LOC122539214: variants seen among roughly 807,000 people sequenced by gnomAD.
chr19:52,689,231 A>G, the LOC122539214 span, among the ~76,000 whole-genome samples: 1 of 152,158 alleles, frequency 6.6e-6, no homozygotes, highest in African/African-American at 2.4e-5. Context: ...TTTGGATATG[A>G]ATCCACTGAG....
At chr19:52,676,035 A>AGCTCTC in the LOC122539214 span, among the ~76,000 whole-genome samples, 61 of 151,334 alleles carry the variant, frequency 4.0e-4, no homozygotes, top group Non-Finnish European at 1.5e-4. Flanking sequence ...CTAACAATAC[A>AGCTCTC]GCTCTCGCTC....
At chr19:52,677,710 C>A in the LOC122539214 span, among the ~76,000 whole-genome samples, 10 of 150,648 alleles carry the variant, frequency 6.6e-5, no homozygotes, top group East Asian at 1.2e-3. Context: ...AAGAATGATC[C>A]CTAGCTGAGT....
chr19:52,657,445 A>C, the LOC122539214 span, among the ~76,000 whole-genome samples: 6 of 151,782 alleles, frequency 4.0e-5, no homozygotes, highest in Non-Finnish European at 5.9e-5. Flanking sequence ...CTTTGTCTCT[A>C]CTAAAAATAC....
chr19:52,689,445 T>G, the LOC122539214 span, among the ~76,000 whole-genome samples: 642 of 151,814 alleles, frequency 4.2e-3, 3 homozygotes, highest in Non-Finnish European at 6.1e-3. Flanking sequence ...GCTGTGCTTC[T>G]CCCTCTGTTC....
the LOC122539214 span, chr19:52,650,755 G>T: frequency 6.6e-6 from 1 of 152,298 alleles, no homozygotes; most frequent in South Asian, 2.1e-4. Flanking sequence ...ACTTCCTAAG[G>T]CTGGGACAAA....
the LOC122539214 span, among the ~76,000 whole-genome samples, chr19:52,670,687 C>T: frequency 6.6e-6 from 1 of 152,020 alleles, no homozygotes; most frequent in Admixed American, 6.6e-5. Flanking sequence ...GAACATATGT[C>T]CAAGGTGATG....
At chr19:52,653,354 G>T in the LOC122539214 span, 1 of 1,198,118 alleles carries the variant, frequency 8.3e-7, no homozygotes, top group Non-Finnish European at 1.2e-6. Flanking sequence ...TGTTGTGCAA[G>T]GTATGAATCA....
the LOC122539214 span, among the ~76,000 whole-genome samples, chr19:52,665,391 CCCT>C: frequency 1.3e-5 from 2 of 151,562 alleles, no homozygotes; most frequent in East Asian, 3.9e-4. Flanking sequence ...CCCCAGAGTT[CCCT>C]CCTCCGTCTC....
chr19:52,657,809 T>C, the LOC122539214 span, among the ~76,000 whole-genome samples: 2 of 151,202 alleles, frequency 1.3e-5, no homozygotes, highest in East Asian at 3.9e-4. Context: ...ATTGCATCAT[T>C]GCACTCCAGC....
chr19:52,652,680 A>C, the LOC122539214 span: 1 of 590,750 alleles, frequency 1.7e-6, no homozygotes, highest in Non-Finnish European at 3.2e-6. Context: ...AATGATTTGC[A>C]ATGCTTGTAG....
At chr19:52,661,170 A>C in the LOC122539214 span, among the ~76,000 whole-genome samples, 1 of 152,200 alleles carries the variant, frequency 6.6e-6, no homozygotes, top group South Asian at 2.1e-4. Flanking sequence ...GCTGAGATTT[A>C]ATGTTTAGAA....
At chr19:52,683,452 T>C in the LOC122539214 span, among the ~76,000 whole-genome samples, 9,190 of 147,828 alleles carry the variant, frequency 0.062, 366 homozygotes, top group Non-Finnish European at 0.089. Context: ...ACAGAACTAG[T>C]TGTGTAGGAG....
chr19:52,668,095 C>T, the LOC122539214 span, among the ~76,000 whole-genome samples: 1 of 152,210 alleles, frequency 6.6e-6, no homozygotes, highest in East Asian at 1.9e-4. Flanking sequence ...CCTCCACCTT[C>T]TCTTCCTTTA....
At chr19:52,680,064 A>G in the LOC122539214 span, among the ~76,000 whole-genome samples, 1 of 152,104 alleles carries the variant, frequency 6.6e-6, no homozygotes, top group Non-Finnish European at 1.5e-5. Context: ...TGGTAATCCC[A>G]GCTACTTGAG....
the LOC122539214 span, chr19:52,652,688 T>C: frequency 1.6e-6 from 1 of 608,388 alleles, no homozygotes; most frequent in South Asian, 1.5e-5. Flanking sequence ...GCAATGCTTG[T>C]AGCATTACTG....
chr19:52,653,043 G>T, the LOC122539214 span: 15 of 1,476,098 alleles, frequency 1.0e-5, no homozygotes, highest in African/African-American at 2.1e-4. Flanking sequence ...TAAAAACCTT[G>T]CCACATTCAT....
chr19:52,688,946 GA>G, the LOC122539214 span, among the ~76,000 whole-genome samples: 1 of 51,024 alleles, frequency 2.0e-5, no homozygotes, highest in Non-Finnish European at 3.7e-5. Flanking sequence ...GAGCAAGGTT[GA>G]AGGAAAAAAA....
At chr19:52,654,400 C>G in the LOC122539214 span, 1 of 1,124,888 alleles carries the variant, frequency 8.9e-7, no homozygotes, top group Non-Finnish European at 1.2e-6. Context: ...TTTTAAAGAG[C>G]TATCTAAAAA....
the LOC122539214 span, among the ~76,000 whole-genome samples, chr19:52,665,877 T>A: frequency 6.6e-6 from 1 of 152,034 alleles, no homozygotes; most frequent in Non-Finnish European, 1.5e-5. Flanking sequence ...GTAAATTGCC[T>A]TGGCCATGTG....
Sources: allele counts gnomAD v4.1 joint callset (sites outside exome capture counted in the v4.1 genomes callset), GRCh38; gene constraint gnomAD v4.1.1; transcripts MANE v1.5.